Variants in TOR1AIP2 observed in about 807,000 individuals in gnomAD.
The protein encoded by TOR1AIP2 is torsin-1A-interacting protein 2.
TOR1AIP2 carries 20 observed loss-of-function variants against 32.6 expected under a neutral mutation model. That is an observed-to-expected ratio of 0.61 (90% CI 0.43 to 0.89). The LOEUF is 0.89. Ranked by LOEUF, TOR1AIP2 falls within the 40% of genes least tolerant of loss-of-function variation. TOR1AIP2 has a pLI of 0.00. For missense variants in TOR1AIP2, 456 were observed against 553.8 expected (o/e 0.82, Z 1.77); for synonymous variants, 214 against 210.8 (o/e 1.02, Z -0.13).
intron 3 of TOR1AIP2, chr1:179,864,318 G>A: frequency 1.0e-6 from 1 of 986,214 alleles, no homozygotes; most frequent in Non-Finnish European, 1.2e-6. Flanking sequence ...TGCATAAGAG[G>A]TGAGTTTACA....
At chr1:179,862,014 T>C (rs1168229874) in intron 3 of TOR1AIP2, 2 of 985,278 alleles carry the variant, frequency 2.0e-6, no homozygotes, top group Non-Finnish European at 2.4e-6. Context: ...GTGTTATTTA[T>C]AATATGCAGA....
rs1301345974 is a variant in TOR1AIP2 at position 179,871,052 on chromosome 1, G to A, written c.-565-5198C>T. ...GACTGGAACCAGTGATTTAGGTGAA[G>A]GCTAAGGGCTCTTAGAGGGATATAA... is the stretch of plus-strand genomic sequence containing the variant. On this transcript the variant is annotated intron_variant, in intron 2 of 6. Transcript: ENST00000609928. 3.9e-5 allele frequency among the ~76,000 whole-genome samples: 6 copies of A among 152,306 alleles called. No individual in the cohort carries two copies. In the East Asian group the frequency reaches 1.2e-3, roughly 29 times the overall value.
At chr1:179,874,322 G>C (rs1322169549) in intron 2 of TOR1AIP2, 9 of 152,330 alleles carry the variant, frequency 5.9e-5, no homozygotes, top group African/African-American at 1.9e-4. Context: ...ACTGAGGTGG[G>C]AGGATCGCTT....
At position 179,852,690 on chromosome 1, in the gene TOR1AIP2, T is replaced by C. The variant is rs773421922; in HGVS notation, c.-25A>G. The C allele has an allele frequency of 6.2e-7, 1 of 1,613,950 alleles. No homozygotes were observed. ...TGTTTGTGTTCTATCTCTTCAGAGT[T>C]GGGAGGATACTTTTTTTAGTACTTG... On this transcript the variant is annotated 5_prime_UTR_variant, in exon 4 of 7. Coordinates refer to ENST00000609928, the MANE Select transcript of TOR1AIP2 (RefSeq NM_001199260.2).
Position 179,842,236 on chromosome 1 carries a change from C to A in TOR1AIP2, c.*3835G>T, listed in dbSNP as rs1247581833. ...AAAAAGGCTGTTAAAGGGTCAAAAC[C>A]ATCTCAGCGGCTAGCACTATTTAGT... On this transcript the variant is annotated 3_prime_UTR_variant, in exon 7 of 7. Coordinates refer to ENST00000609928, the MANE Select transcript of TOR1AIP2 (RefSeq NM_001199260.2). 1 of 151,838 alleles carries A rather than the reference C, an allele frequency of 6.6e-6. No individual in the cohort carries two copies. Among genetic ancestry groups the A allele is most frequent in the Non-Finnish European group, 1.5e-5 (1 of 67,974 alleles). 9.4% of individuals were successfully genotyped at this position (151,838 alleles called of 1,614,324 possible).
At chr1:179,872,082 A>C (rs900379351) in intron 2 of TOR1AIP2, among the ~76,000 whole-genome samples, 1 of 152,220 alleles carries the variant, frequency 6.6e-6, no homozygotes, top group Non-Finnish European at 1.5e-5. Flanking sequence ...GCCAAATAAA[A>C]AATATTACCC....
rs200362981 is a variant in TOR1AIP2, at chr1:179,846,541, C to T, written c.943G>A (p.Val315Ile). 2 of 1,614,182 alleles carry T rather than the reference C, an allele frequency of 1.2e-6. No individual in the cohort carries two copies. Among genetic ancestry groups the T allele is most frequent in the East Asian group, 4.5e-5 (2 of 44,888 alleles). ...RETLKCLSHH[V>I]ADAYTSSQKV... Reference sequence around the variant, plus strand: ...TGGGAAGAGGTGTAGGCATCTGCAACATGGTGGCTCAGGCACTTCAGGGTC... The same window carrying T: ...TGGGAAGAGGTGTAGGCATCTGCAATATGGTGGCTCAGGCACTTCAGGGTC... Residue 315 changes from valine to isoleucine, a missense_variant, in exon 7 of 7, where the codon GTT becomes ATT. By Grantham distance (29) the Val-to-Ile change is conservative. Coordinates refer to ENST00000609928, the MANE Select transcript of TOR1AIP2 (RefSeq NM_001199260.2).
rs1394239606 is a variant in TOR1AIP2, at chr1:179,851,089, G to A, written c.309C>T (p.Leu103=). 1 of 1,614,080 alleles carries A rather than the reference G, an allele frequency of 6.2e-7. No homozygotes were observed. Among genetic ancestry groups the A allele is most frequent in the African/African-American group, 1.3e-5 (1 of 74,930 alleles). The part of the protein sequence containing the change: ...SFLDGGKGHH[L]PSENLGKEPL... ...GTTCTTTACCCAGATTTTCTGAAGGGAGGTGATGCCCTTTTCCGCCATCCA... is the reference window on the plus strand; with the variant it reads ...GTTCTTTACCCAGATTTTCTGAAGGAAGGTGATGCCCTTTTCCGCCATCCA... The change falls in exon 5 of 7, where the codon CTC becomes CTT. Residue 103 remains leucine, a synonymous_variant. Transcript: ENST00000609928.
rs143074105 is a variant in TOR1AIP2 at position 179,850,984 on chromosome 1, G to A, written c.414C>T (p.Ala138=). ...ADAHLGSSSV[A]LPKEASDGTG... is the part of the protein sequence containing the mutation. Reference sequence around the variant, plus strand: ...TTCCGTCACTCGCTTCCTTAGGGAGGGCCACAGAGCTGCTCCCTAAGTGTG... The same window carrying A: ...TTCCGTCACTCGCTTCCTTAGGGAGAGCCACAGAGCTGCTCCCTAAGTGTG... The change falls in exon 5 of 7, where the codon GCC becomes GCT. Residue 138 remains alanine (A), a synonymous_variant. Transcript: ENST00000609928. 4.3e-6 allele frequency: 7 copies of A among 1,614,122 alleles called. No homozygotes were observed. The highest frequency in any genetic ancestry group is 3.3e-5 in the Admixed American group (2 of 60,012).
chr1:179,863,356 G>A, intron 3 of TOR1AIP2: 3 of 984,876 alleles, frequency 3.0e-6, no homozygotes, highest in Non-Finnish European at 3.6e-6. Flanking sequence ...TTTCTAATGA[G>A]ATGTAAGAAG....
chr1:179,840,915 TAAA>T lies in TOR1AIP2; in HGVS notation c.*5153_*5155del, dbSNP rs1558002343. 6.8e-6 allele frequency: 1 copy of T among 146,916 alleles called. No homozygotes were observed. The highest frequency in any genetic ancestry group is 1.9e-4 in the East Asian group (1 of 5,164). The allele number at this position is 146,916 out of a possible 1,614,324, so 9.1% of individuals were successfully genotyped here. A position where few individuals can be genotyped will look rare whatever the true frequency, so the allele number is the denominator to read the frequency against. On this transcript the variant is annotated 3_prime_UTR_variant, in exon 7 of 7. Coordinates refer to ENST00000609928, the MANE Select transcript of TOR1AIP2 (RefSeq NM_001199260.2). ...ATAATAATAATAATAATAATAATAA[TAAA>T]GAAGTTATAGCACAGTTTATTAGCT... is the stretch of plus-strand genomic sequence containing the variant.
At chr1:179,848,034 GAAAAA>G (rs11445917) in intron 5 of TOR1AIP2, among the ~76,000 whole-genome samples, 1 of 86,732 alleles carries the variant, frequency 1.2e-5, no homozygotes, top group Non-Finnish European at 2.4e-5. Context: ...CTCCATCTCA[GAAAAA>G]AAAAAAAAAA....
chr1:179,854,925 C>G (rs1282539023), intron 3 of TOR1AIP2, among the ~76,000 whole-genome samples: 1 of 151,974 alleles, frequency 6.6e-6, no homozygotes, highest in South Asian at 2.1e-4. Context: ...AACACTAGCA[C>G]ACGAATAGAC....
At position 179,851,392 on chromosome 1, in the gene TOR1AIP2, T is replaced by C. The variant is rs1696112081; in HGVS notation, c.35-29A>G. On this transcript the variant is annotated intron_variant, in intron 4 of 6. Transcript: ENST00000609928. The stretch of plus-strand genomic sequence containing the variant: ...TTGAGATAAAAGTTTATAATTTTTA[T>C]TGGAAAAAATTCCCCATAAATTTAT... The C allele has an allele frequency of 3.4e-6, 5 of 1,451,438 alleles. No individual in the cohort carries two copies. In the South Asian group the frequency reaches 4.5e-5, roughly 13 times the overall value. The allele number at this position is 1,451,438 out of a possible 1,614,324, so 89.9% of individuals were successfully genotyped here.
intron 4 of TOR1AIP2, among the ~76,000 whole-genome samples, chr1:179,852,277 AGG>A (rs1378043979): frequency 6.7e-6 from 1 of 148,822 alleles, no homozygotes; most frequent in Non-Finnish European, 1.5e-5. Context: ...AAAAAAAAAA[AGG>A]AGAAGAAGAG....
intron 3 of TOR1AIP2, chr1:179,861,293 C>A (rs1178968323): frequency 9.1e-6 from 9 of 984,622 alleles, no homozygotes; most frequent in Non-Finnish European, 1.1e-5. Flanking sequence ...TTATTCATAT[C>A]AACTATGGAG....
At chr1:179,860,263 G>T in intron 3 of TOR1AIP2, 1 of 936,332 alleles carries the variant, frequency 1.1e-6, no homozygotes, top group Non-Finnish European at 1.3e-6. Context: ...TGAGAGGATC[G>T]CTTGAGGCCA....
At chr1:179,851,414 T>C in intron 4 of TOR1AIP2, 51 bp from the exon 5 acceptor site, 1 of 1,369,044 alleles carries the variant, frequency 7.3e-7, no homozygotes, top group Admixed American at 2.8e-5. Context: ...CCCCATAAAT[T>C]TATATTTTAA....
At chr1:179,876,854 T>G (rs1647355630) in intron 2 of TOR1AIP2, among the ~76,000 whole-genome samples, 1 of 152,190 alleles carries the variant, frequency 6.6e-6, no homozygotes, top group South Asian at 2.1e-4. Context: ...ACTATGAAAT[T>G]TGTTAAAAGA....
Sources: gnomAD v4.1 joint callset for allele counts (sites outside exome capture counted in the v4.1 genomes callset) on GRCh38, gnomAD v4.1.1 for gene constraint, MANE v1.5 for transcripts, NCBI Gene and HGNC (gene_info 2026-07-23, HGNC 2026-07-21) for gene names.